Variants in KLHL38 observed in about 807,000 individuals in gnomAD.
KLHL38 encodes kelch-like protein 38.
KLHL38 carries 38 observed loss-of-function variants against 39.6 expected under a neutral mutation model. That is an observed-to-expected ratio of 0.96 (90% confidence interval 0.74 to 1.26). KLHL38 has a LOEUF of 1.26. Ranked by LOEUF, KLHL38 falls within the 50% of genes most tolerant of loss-of-function variation. The pLI is 0.00. For synonymous variants in KLHL38, 322 were observed against 302.2 expected, an observed-to-expected ratio of 1.07 and a Z score of -0.68; for missense variants, 803 against 748.1, an observed-to-expected ratio of 1.07 and a Z score of -0.86.
Position 123,651,626 on chromosome 8 carries a change from TAG to T in KLHL38, c.1299_1300del (p.Tyr434SerfsTer61), listed in dbSNP as rs1038441184. The T allele has an allele frequency of 2.5e-6, 4 of 1,611,224 alleles. No individual in the cohort carries two copies. The highest frequency in any genetic ancestry group is 3.3e-5 in the Admixed American group (2 of 59,708). On this transcript the variant is annotated frameshift_variant, in exon 2 of 4. Transcript: ENST00000684634. LOFTEE classifies it high-confidence loss of function. ...CATGATGTCCTCTCCTCCAAAGAGA[TAG>T]AGTCTTTGGTCTTTCACAGCGACTG...
rs771794926 is a variant in KLHL38 at position 123,645,742 on chromosome 8, T to C, written c.1743A>G (p.Pro581=). Residue 581 remains proline (P), a synonymous_variant, in exon 4 of 4, where the codon CCA becomes CCG. Transcript: ENST00000684634. ...GGCAGAAGGTTTCTTGTCGACCTCA[T>C]GGGAGGCCAGACGTGCGGGGTATGC... The part of the protein sequence containing the change: ...LQCIPRTSGL[P] The C allele has an allele frequency of 3.7e-6, 6 of 1,612,646 alleles. No individual in the cohort carries two copies. In the African/African-American group the frequency reaches 4.0e-5, roughly 11 times the overall value.
intron 3 of KLHL38, 72 bp from the exon 4 acceptor site, chr8:123,646,100 G>A (rs1317659943): frequency 1.5e-5 from 21 of 1,360,228 alleles, no homozygotes; most frequent in Middle Eastern, 1.8e-4. Flanking sequence ...GTCCTGGGAC[G>A]CGTCTGACTC....
Position 123,645,560 on chromosome 8 carries a change from G to A in KLHL38, c.*179C>T. On this transcript the variant is annotated 3_prime_UTR_variant, in exon 4 of 4. Coordinates refer to ENST00000684634, the MANE Select transcript of KLHL38 (RefSeq NM_001081675.3). ...GGTGGGGGAGAGAGATAAGGAGAGA[G>A]GCAGAGAAGGAGAGAGAGAGTTCTG... 1.6e-6 allele frequency: 1 copy of A among 618,618 alleles called. No homozygotes were observed. The highest frequency in any genetic ancestry group is 2.8e-6 in the Non-Finnish European group (1 of 352,302). 38.3% of individuals were successfully genotyped at this position (618,618 alleles called of 1,614,324 possible). A position where few individuals can be genotyped will look rare whatever the true frequency, so the allele number is the denominator to read the frequency against.
Position 123,645,492 on chromosome 8 carries a change from A to G in KLHL38, c.*247T>C. On this transcript the variant is annotated 3_prime_UTR_variant, in exon 4 of 4. Transcript: ENST00000684634. Reference sequence around the variant, plus strand: ...GAGAGAGAGAGAGACAGACAGAGATAGGGGAGAGAAAGAAAGAAGGGGGAA... The same window carrying G: ...GAGAGAGAGAGAGACAGACAGAGATGGGGGAGAGAAAGAAAGAAGGGGGAA... 1.8e-6 allele frequency: 1 copy of G among 543,008 alleles called. No individual in the cohort carries two copies. The allele number at this position is 543,008 out of a possible 1,614,324, so 33.6% of individuals were successfully genotyped here.
At position 123,644,509 on chromosome 8, in the gene KLHL38, G is replaced by C. The variant is rs1818623734; in HGVS notation, c.*1230C>G. Among the ~76,000 whole-genome samples the C allele has an allele frequency of 6.6e-6, 1 of 152,166 alleles. No individual in the cohort carries two copies. The highest frequency in any genetic ancestry group is 2.1e-4 in the South Asian group (1 of 4,828). On this transcript the variant is annotated 3_prime_UTR_variant, in exon 4 of 4. Coordinates refer to ENST00000684634, the MANE Select transcript of KLHL38 (RefSeq NM_001081675.3). ...TTTTACAAACATTAGATACTGAATT[G>C]TGCATATATCTCTGGAATTTCAATG...
At position 123,652,367 on chromosome 8, in the gene KLHL38, T is replaced by A; in HGVS notation, c.560A>T (p.Asp187Val). ...CTTTTCCTCCTCCCCACAGAGCCCATCATCTCCGAGATAGTCCCTCAACTC... is the reference window on the plus strand; with the variant it reads ...CTTTTCCTCCTCCCCACAGAGCCCAACATCTCCGAGATAGTCCCTCAACTC... The part of the protein sequence containing the change: ...ALELRDYLGD[D>V]GLCGEEEKVF... The change falls in exon 2 of 4, where the codon GAT (aspartate) becomes GTT (valine). Residue 187 changes from aspartate (D) to valine (V), a missense_variant. Transcript: ENST00000684634. 6.2e-7 allele frequency: 1 copy of A among 1,613,920 alleles called. No homozygotes were observed. The highest frequency in any genetic ancestry group is 8.5e-7 in the Non-Finnish European group (1 of 1,180,026).
At chr8:123,646,818 C>T in intron 3 of KLHL38, 91 bp downstream of exon 3, 1 of 798,786 alleles carries the variant, frequency 1.3e-6, no homozygotes, top group Non-Finnish European at 2.0e-6. Context: ...AAAAGACAGT[C>T]TTGTAGAATA....
rs894702461 is a variant in KLHL38, at chr8:123,644,650, C to T, written c.*1089G>A. Among the ~76,000 whole-genome samples, 4 of 152,188 alleles carry T rather than the reference C, an allele frequency of 2.6e-5. No homozygotes were observed. The highest frequency in any genetic ancestry group is 4.4e-5 in the Non-Finnish European group (3 of 68,036). ...CTCTCAGCCCTCTTGTTCCAGATTT[C>T]AGTGGTGTCCTGGGCAGATGTGGTT... On this transcript the variant is annotated 3_prime_UTR_variant, in exon 4 of 4. Transcript: ENST00000684634.
chr8:123,646,649 GT>G (rs757330093), intron 3 of KLHL38, among the ~76,000 whole-genome samples: 66 of 152,318 alleles, frequency 4.3e-4, no homozygotes, highest in Non-Finnish European at 7.3e-4. Context: ...ATAGTGCTAA[GT>G]GCTTTAGATA....
intron 2 of KLHL38, among the ~76,000 whole-genome samples, chr8:123,649,317 T>C (rs935089201): frequency 6.6e-6 from 1 of 151,694 alleles, no homozygotes; most frequent in African/African-American, 2.4e-5. Context: ...AGTAGAGGAG[T>C]GGGATTTGGA....
chr8:123,645,235 C>A lies in KLHL38; in HGVS notation c.*504G>T, dbSNP rs996584865. On this transcript the variant is annotated 3_prime_UTR_variant, in exon 4 of 4. Transcript: ENST00000684634. ...GGTGGATCACTTGAGACCAGGAGTT[C>A]GTGACCAGCCTGGCCAACATAGTGA... Among the ~76,000 whole-genome samples the A allele has an allele frequency of 6.6e-6, 1 of 152,052 alleles. No homozygotes were observed.
rs1818656183 is a variant in KLHL38, at chr8:123,645,919, T to C, written c.1566A>G (p.Lys522=). The change falls in exon 4 of 4, where the codon AAA becomes AAG. Residue 522 remains lysine (K), a synonymous_variant. Transcript: ENST00000684634. ...GCCGCCGCCCGCCCGTCACGTAGAG[T>C]TTGTTTCCCATCACTGTGGCCCCAT... ...MHHGATVMGN[K]LYVTGGRRLT... 6.2e-7 allele frequency: 1 copy of C among 1,613,884 alleles called. No homozygotes were observed. Among genetic ancestry groups the C allele is most frequent in the African/African-American group, 1.3e-5 (1 of 74,846 alleles).
chr8:123,652,849 G>A lies in KLHL38; in HGVS notation c.78C>T (p.Ser26=), dbSNP rs755112316. The A allele has an allele frequency of 3.1e-6, 5 of 1,608,998 alleles. No individual in the cohort carries two copies. Among genetic ancestry groups the A allele is most frequent in the Admixed American group, 3.3e-5 (2 of 60,002 alleles). The stretch of plus-strand genomic sequence containing the variant: ...CAGTCAGGATCCTGCTTTGCCTTAA[G>A]CTGTTGAGCTGCCTCAACAAGTCAG... ...FSSDLLRQLN[S]LRQSRILTDV... The change falls in exon 2 of 4, where the codon AGC becomes AGT. Residue 26 remains serine (S), a synonymous_variant. Transcript: ENST00000684634.
In KLHL38 at chr8:123,645,065, A is replaced by G. The variant is rs1818634397; in HGVS notation, c.*674T>C. On this transcript the variant is annotated 3_prime_UTR_variant, in exon 4 of 4. Coordinates refer to ENST00000684634, the MANE Select transcript of KLHL38 (RefSeq NM_001081675.3). ...GAGAGAGAGAGAGAGAGGGGCAGAG[A>G]GAGGCAGAGAGACAGAGAAGAGAGA... is the stretch of plus-strand genomic sequence containing the variant. Among the ~76,000 whole-genome samples the G allele has an allele frequency of 7.1e-6, 1 of 140,326 alleles. No homozygotes were observed. The highest frequency in any genetic ancestry group is 2.3e-4 in the South Asian group (1 of 4,312). 92.1% of individuals were successfully genotyped at this position (140,326 alleles called of 152,430 possible). A position where few individuals can be genotyped will look rare whatever the true frequency, so the allele number is the denominator to read the frequency against.
At chr8:123,648,784 C>A (rs1483752769) in intron 2 of KLHL38, among the ~76,000 whole-genome samples, 5 of 152,110 alleles carry the variant, frequency 3.3e-5, no homozygotes, top group African/African-American at 1.2e-4. Flanking sequence ...AGGTACAGTG[C>A]GATTTGCATC....
At chr8:123,647,042 G>T (rs747814242) in intron 2 of KLHL38, 28 bp from the exon 3 acceptor site, 2 of 1,208,548 alleles carry the variant, frequency 1.7e-6, no homozygotes, top group Admixed American at 3.6e-5. Flanking sequence ...TCATGGCACT[G>T]CATTTTAAAG....
chr8:123,648,242 G>A (rs1040107795), intron 2 of KLHL38, among the ~76,000 whole-genome samples: 10 of 152,152 alleles, frequency 6.6e-5, no homozygotes, highest in African/African-American at 2.2e-4. Context: ...GACATGCCCA[G>A]GGTCATACAA....
At chr8:123,650,532 A>T (rs4871405) in intron 2 of KLHL38, among the ~76,000 whole-genome samples, 1 of 151,996 alleles carries the variant, frequency 6.6e-6, no homozygotes, top group African/African-American at 2.4e-5. Context: ...ACAATGGTTG[A>T]TGTTCAACAT....
rs1554587820 is a variant in KLHL38 at position 123,645,056 on chromosome 8, G to GAGA, written c.*682_*683insTCT. On this transcript the variant is annotated 3_prime_UTR_variant, in exon 4 of 4. Transcript: ENST00000684634. ...AGACTGAGAGAGAGAGAGAGAGAGA[G>GAGA]GGGCAGAGAGAGGCAGAGAGACAGA... Among the ~76,000 whole-genome samples, 1 of 117,382 alleles carries GAGA rather than the reference G, an allele frequency of 8.5e-6. No homozygotes were observed. Among genetic ancestry groups the GAGA allele is most frequent in the African/African-American group, 3.2e-5 (1 of 31,644 alleles). The allele number at this position is 117,382 out of a possible 152,430, so 77.0% of individuals were successfully genotyped here. A position where few individuals can be genotyped will look rare whatever the true frequency, so the allele number is the denominator to read the frequency against.
Sources: allele counts gnomAD v4.1 joint callset (sites outside exome capture counted in the v4.1 genomes callset), GRCh38; gene constraint gnomAD v4.1.1; transcripts MANE v1.5; gene names NCBI Gene and HGNC (gene_info 2026-07-23, HGNC 2026-07-21).